MYO1G: variants seen among roughly 807,000 people sequenced by gnomAD.
MYO1G encodes unconventional myosin-Ig.
Under a neutral mutation model 115.3 loss-of-function variants are expected in MYO1G, and 65 were observed. That is an observed-to-expected ratio of 0.56 (90% CI 0.46 to 0.69). The LOEUF (loss-of-function observed/expected upper bound fraction) is 0.69. MYO1G is among the 30% of genes least tolerant of loss of function. MYO1G has a pLI of 0.00. For synonymous variants in MYO1G, 510 were observed against 552.6 expected, an observed-to-expected ratio of 0.92 and a Z score of 1.08; for missense variants, 1,204 against 1,393.5, an observed-to-expected ratio of 0.86 and a Z score of 2.16.
Position 44,976,620 on chromosome 7 carries a change from G to A in MYO1G, c.342C>T (p.His114=). The A allele has an allele frequency of 6.2e-7, 1 of 1,614,122 alleles. No homozygotes were observed. The highest frequency in any genetic ancestry group is 8.5e-7 in the Non-Finnish European group (1 of 1,180,004). ...SGAGKTEASK[H]IMQYIAAVTN... ...TGACAGCAGCGATGTACTGCATGAT[G>A]TGCTTACTGGCTTCTGTCTTCCCTG... The change falls in exon 3 of 22, where the codon CAC becomes CAT. Residue 114 remains histidine (H), a synonymous_variant. Coordinates refer to ENST00000258787, the MANE Select transcript of MYO1G (RefSeq NM_033054.3).
At chr7:44,972,036 A>C (rs1444402214) in intron 6 of MYO1G, 79 bp downstream of exon 6, 5 of 1,140,972 alleles carry the variant, frequency 4.4e-6, no homozygotes, top group Non-Finnish European at 6.6e-6. Context: ...GCCTGTGCTG[A>C]GTGCTGCCCA....
chr7:44,967,823 C>T, intron 13 of MYO1G, 61 bp downstream of exon 13: 11 of 1,612,348 alleles, frequency 6.8e-6, no homozygotes, highest in South Asian at 1.1e-5. Context: ...TGCCTGACCC[C>T]AGAGTCTCTG....
chr7:44,965,474 C>A (rs1478673519), intron 17 of MYO1G, among the ~76,000 whole-genome samples, 163 bp downstream of exon 17: 3 of 152,258 alleles, frequency 2.0e-5, no homozygotes, highest in Non-Finnish European at 4.4e-5. Flanking sequence ...TCTGCACCAA[C>A]TGTGGGACAT....
chr7:44,969,559 C>T lies in MYO1G; in HGVS notation c.1504-76G>A, dbSNP rs1794913226. 1.3e-6 allele frequency: 2 copies of T among 1,584,186 alleles called. No homozygotes were observed. Among genetic ancestry groups the T allele is most frequent in the African/African-American group, 1.3e-5 (1 of 74,450 alleles). ...ATGAAGGGATAGCCCTGCCTCCCCA[C>T]CTCCAGGGCAGAGAAGGTTGCCACA... On this transcript the variant is annotated intron_variant, in intron 11 of 21. Coordinates refer to ENST00000258787, the MANE Select transcript of MYO1G (RefSeq NM_033054.3). The surrounding 1 kb of genome is among the most constrained non-coding windows in gnomAD (Gnocchi z 5.0).
At chr7:44,967,772 G>A (rs1373236230) in intron 13 of MYO1G, 35 bp from the exon 14 acceptor site, 1 of 1,612,276 alleles carries the variant, frequency 6.2e-7, no homozygotes, top group Non-Finnish European at 8.5e-7. Context: ...GCCATCCTCT[G>A]GGAGAGCAGC....
intron 6 of MYO1G, among the ~76,000 whole-genome samples, 162 bp from the exon 7 acceptor site, chr7:44,971,951 C>T (rs375759866): frequency 2.0e-5 from 3 of 152,334 alleles, no homozygotes; most frequent in African/African-American, 7.2e-5. Flanking sequence ...CCCCTGCACT[C>T]TGTCCCCTCC....
intron 3 of MYO1G, 123 bp downstream of exon 3, chr7:44,976,441 C>T: frequency 1.1e-6 from 1 of 891,932 alleles, no homozygotes; most frequent in Non-Finnish European, 1.8e-6. Flanking sequence ...CCCAAGTTCC[C>T]ACTGAACTTG....
In MYO1G at chr7:44,965,805, G is replaced by C; in HGVS notation, c.2213C>G (p.Thr738Ser). ...GTGTCTCCGGAACCAGCGCATGATG[G>C]TGTAGATAGCCCTCAGCCTCCGGCA... Reference protein sequence around the residue: ...WRCRRLRAIYTIMRWFRRHKV... With the variant: ...WRCRRLRAIYSIMRWFRRHKV... The change falls in exon 17 of 22, where the codon ACC (threonine) becomes AGC (serine). Residue 738 changes from threonine (T) to serine (S), a missense_variant. Coordinates refer to ENST00000258787, the MANE Select transcript of MYO1G (RefSeq NM_033054.3). 6.2e-7 allele frequency: 1 copy of C among 1,603,804 alleles called. No homozygotes were observed. Among genetic ancestry groups the C allele is most frequent in the Non-Finnish European group, 8.5e-7 (1 of 1,179,958 alleles).
In MYO1G at chr7:44,969,267, A is replaced by AT. The variant is rs1794907418; in HGVS notation, c.1574+145dup. 2.7e-6 allele frequency: 2 copies of AT among 737,614 alleles called. No homozygotes were observed. Among genetic ancestry groups the AT allele is most frequent in the Middle Eastern group, 3.4e-4 (1 of 2,920 alleles). 45.7% of individuals were successfully genotyped at this position (737,614 alleles called of 1,614,324 possible). On this transcript the variant is annotated intron_variant, in intron 12 of 21. Coordinates refer to ENST00000258787, the MANE Select transcript of MYO1G (RefSeq NM_033054.3). This position sits in a 1 kb window ranked among gnomAD's most constrained non-coding sequence, Gnocchi z 5.0. The stretch of plus-strand genomic sequence containing the variant: ...TTCACTTGTGAATCTGCTGTCCGGC[A>AT]TGTTTCAGTGTCTTAAAGGGGTGGG...
At chr7:44,977,256 C>A (rs566100279) in intron 1 of MYO1G, among the ~76,000 whole-genome samples, 185 bp from the exon 2 acceptor site, 4 of 152,346 alleles carry the variant, frequency 2.6e-5, no homozygotes, top group Admixed American at 6.5e-5. Context: ...CCTGGGTGAG[C>A]TGAGCCACTC....
At chr7:44,965,501 T>A in intron 17 of MYO1G, 136 bp downstream of exon 17, 1 of 805,160 alleles carries the variant, frequency 1.2e-6, no homozygotes, top group Non-Finnish European at 2.0e-6. Context: ...TCAGCTAATG[T>A]GGCATAGCAT....
intron 2 of MYO1G, 98 bp downstream of exon 2, chr7:44,976,765 C>T (rs991320368): frequency 2.5e-6 from 4 of 1,573,312 alleles, no homozygotes; most frequent in African/African-American, 2.7e-5. Flanking sequence ...CCTAGGGCCC[C>T]CATCAGGACA....
In MYO1G at chr7:44,969,975, C is replaced by T; in HGVS notation, c.1332+65G>A. 4 of 1,595,242 alleles carry T rather than the reference C, an allele frequency of 2.5e-6. No individual in the cohort carries two copies. Among genetic ancestry groups the T allele is most frequent in the South Asian group, 2.2e-5 (2 of 89,638 alleles). ...CCACCTGTCAGGCCAGCCCGGGCCC[C>T]TCCCCATGGGCTGAGGCCCCTCCAC... On this transcript the variant is annotated intron_variant, in intron 10 of 21. Transcript: ENST00000258787. This position sits in a 1 kb window ranked among gnomAD's most constrained non-coding sequence, Gnocchi z 5.0.
In MYO1G at chr7:44,966,183, C is replaced by A. The variant is rs140643676; in HGVS notation, c.2047G>T (p.Asp683Tyr). 1 of 1,612,622 alleles carries A rather than the reference C, an allele frequency of 6.2e-7. No homozygotes were observed. Among genetic ancestry groups the A allele is most frequent in the African/African-American group, 1.3e-5 (1 of 74,904 alleles). The stretch of plus-strand genomic sequence containing the variant: ...AGCTTGCTGTGGCCAAAGGCCACGT[C>A]CCCCTGCAGCCCGTGCTGCTCCAGG... ...ALLEQHGLQGDVAFGHSKLFI... is the reference protein window; with the variant it reads ...ALLEQHGLQGYVAFGHSKLFI... The change falls in exon 16 of 22, where the codon GAC (aspartate) becomes TAC (tyrosine). Residue 683 changes from aspartate (D) to tyrosine (Y), a missense_variant. Physicochemically the swap from Asp to Tyr is radical, Grantham distance 160. Transcript: ENST00000258787. This position sits in a 1 kb window ranked among gnomAD's most constrained non-coding sequence, Gnocchi z 5.0.
rs560719599 is a variant in MYO1G at position 44,976,689 on chromosome 7, C to T, written c.305-32G>A. 7.3e-5 allele frequency: 117 copies of T among 1,612,562 alleles called. 1 individual carries two copies. The South Asian group carries it at 1.3e-3, about 17-fold the overall frequency. ...GAAAGACCAGAGTTGAGAGAATCAG[C>T]CAGGTTCGCTCTCTTAGCCCAGCTC... On this transcript the variant is annotated intron_variant, in intron 2 of 21. Coordinates refer to ENST00000258787, the MANE Select transcript of MYO1G (RefSeq NM_033054.3).
rs1357519480 is a variant in MYO1G at position 44,969,886 on chromosome 7, G to A, written c.1333-11C>T. On this transcript the variant is annotated splice_polypyrimidine_tract_variant and intron_variant, in intron 10 of 21. Transcript: ENST00000258787. The surrounding 1 kb of genome is among the most constrained non-coding windows in gnomAD (Gnocchi z 5.0). ...GTTGAAATACTCAACCTGGGGCAAAGGCAGCCAGCAAGGAAGCTCCCAAGG... is the reference window on the plus strand; with the variant it reads ...GTTGAAATACTCAACCTGGGGCAAAAGCAGCCAGCAAGGAAGCTCCCAAGG... The A allele has an allele frequency of 3.8e-6, 6 of 1,597,422 alleles. No homozygotes were observed. The highest frequency in any genetic ancestry group is 3.4e-5 in the South Asian group (3 of 88,624).
In MYO1G at chr7:44,963,191, C is replaced by G. The variant is rs1465823882; in HGVS notation, c.2746-67G>C. On this transcript the variant is annotated intron_variant, in intron 20 of 21. Coordinates refer to ENST00000258787, the MANE Select transcript of MYO1G (RefSeq NM_033054.3). This position sits in a 1 kb window ranked among gnomAD's most constrained non-coding sequence, Gnocchi z 4.1. ...CACCCCAGCCTAGCCGGACTCACCC[C>G]CTCCCCAGGAAGCCTCTGCCGAACC... 5.8e-6 allele frequency: 8 copies of G among 1,377,898 alleles called. No individual in the cohort carries two copies. The highest frequency in any genetic ancestry group is 3.6e-5 in the Admixed American group (1 of 27,426). The allele number at this position is 1,377,898 out of a possible 1,614,324, so 85.4% of individuals were successfully genotyped here. A position where few individuals can be genotyped will look rare whatever the true frequency, so the allele number is the denominator to read the frequency against.
chr7:44,967,419 G>A (rs575117590), intron 14 of MYO1G, among the ~76,000 whole-genome samples, 186 bp downstream of exon 14: 1 of 152,336 alleles, frequency 6.6e-6, no homozygotes, highest in Non-Finnish European at 1.5e-5. Flanking sequence ...CCCAGCCCCT[G>A]AGGCCCCACA....
intron 4 of MYO1G, 33 bp downstream of exon 4, chr7:44,975,451 C>T (rs752513996): frequency 1.3e-6 from 2 of 1,587,574 alleles, no homozygotes; most frequent in Admixed American, 3.4e-5. Flanking sequence ...GGCCAGGGCT[C>T]CCCATGGAGG....
Sources: gnomAD v4.1 joint callset for allele counts (sites outside exome capture counted in the v4.1 genomes callset) on GRCh38, gnomAD v4.1.1 for gene constraint, Gnocchi (gnomAD v3.1) non-coding constraint, MANE v1.5 for transcripts, NCBI Gene and HGNC (gene_info 2026-07-23, HGNC 2026-07-21) for gene names.